PPP2R2B: variants seen among roughly 807,000 people sequenced by gnomAD.
The protein encoded by PPP2R2B is serine/threonine-protein phosphatase 2A 55 kDa regulatory subunit B beta isoform.
In PPP2R2B, 5 loss-of-function variants were observed where a neutral mutation model predicts 46.0. That is an observed-to-expected ratio of 0.11 (90% CI 0.06 to 0.23). PPP2R2B has a LOEUF of 0.23. PPP2R2B is among the 10% of genes least tolerant of loss of function. PPP2R2B has a pLI of 1.00. For synonymous variants in PPP2R2B, 215 were observed against 206.7 expected, an observed-to-expected ratio of 1.04 and a Z score of -0.34; for missense variants, 367 against 575.0, an observed-to-expected ratio of 0.64 and a Z score of 3.70.
At chr5:147,030,163 C>A (rs1755713681) in intron 1 of PPP2R2B, among the ~76,000 whole-genome samples, 1 of 152,254 alleles carries the variant, frequency 6.6e-6, no homozygotes, top group South Asian at 2.1e-4. Context: ...GTCTTCCTTA[C>A]TTTCTGCTAA....
intron 1 of PPP2R2B, among the ~76,000 whole-genome samples, chr5:146,898,243 T>C (rs377005443): frequency 5.9e-5 from 9 of 152,158 alleles, no homozygotes; most frequent in Admixed American, 1.3e-4. Context: ...TGCAGCATTA[T>C]TTCTGAGGGC....
rs1779286677 is a variant in PPP2R2B at position 146,698,078 on chromosome 5, C to T, written c.235G>A (p.Glu79Lys). The T allele has an allele frequency of 4.3e-6, 7 of 1,612,764 alleles. No individual in the cohort carries two copies. Among genetic ancestry groups the T allele is most frequent in the East Asian group, 2.2e-5 (1 of 44,768 alleles). Reference protein sequence around the residue: ...VYSTFQSHEPEFDYLKSLEIE... With the variant: ...VYSTFQSHEPKFDYLKSLEIE... ...TCTAAACTCTTCAGGTAATCGAACT[C>T]GGGTTCATGGCTCTGGAATGTGCTG... The change falls in exon 4 of 10, where the codon GAG becomes AAG. Residue 79 changes from glutamate (E) to lysine (K), a missense_variant. Physicochemically the swap from Glu to Lys is moderately conservative, Grantham distance 56. Transcript: ENST00000394411.
Position 146,585,886 on chromosome 5 carries a change from T to C in PPP2R2B, c.*4061A>G, listed in dbSNP as rs1770134886. On this transcript the variant is annotated 3_prime_UTR_variant, in exon 10 of 10. Coordinates refer to ENST00000394411, the MANE Select transcript of PPP2R2B (RefSeq NM_181675.4). ...CATTTTACAGGTGATGACACTGACA[T>C]AGGGACTGAGTGGGTAGCTTAAGTT... The C allele has an allele frequency of 6.6e-6, 1 of 152,204 alleles. No individual in the cohort carries two copies. The highest frequency in any genetic ancestry group is 1.5e-5 in the Non-Finnish European group (1 of 68,040). The allele number at this position is 152,204 out of a possible 1,614,324, so 9.4% of individuals were successfully genotyped here.
At position 147,050,173 on chromosome 5, in the gene PPP2R2B, G is replaced by A. The variant is rs554646399; in HGVS notation, c.79+5492C>T. On this transcript the variant is annotated intron_variant, in intron 1 of 8. Transcript: ENST00000336640. ...ATTGTACATAAAATTCAAAAAATAT[G>A]TTTCAGACATAAAGCAATATCAAAC... Among the ~76,000 whole-genome samples the A allele has an allele frequency of 4.6e-5, 7 of 152,292 alleles. No individual in the cohort carries two copies. The South Asian group carries it at 1.0e-3, about 23-fold the overall frequency.
upstream of PPP2R2B, among the ~76,000 whole-genome samples, chr5:147,058,014 G>A (rs1270268070): frequency 1.3e-5 from 2 of 152,114 alleles, no homozygotes; most frequent in Non-Finnish European, 2.9e-5. Flanking sequence ...CTTAATTACA[G>A]CATATTACTT....
chr5:146,938,751 CTTTTTTTTTTT>C (rs33961672), intron 1 of PPP2R2B, among the ~76,000 whole-genome samples: 3 of 65,926 alleles, frequency 4.6e-5, no homozygotes, highest in Non-Finnish European at 5.3e-5. Context: ...AGATAATAGC[CTTTTTTTTTTT>C]TTTTTTTTTT....
chr5:146,706,883 AC>A, intron 2 of PPP2R2B: 1 of 1,261,946 alleles, frequency 7.9e-7, no homozygotes, highest in Non-Finnish European at 1.2e-6. Context: ...AATGGACAGC[AC>A]CACAGACGTG....
chr5:146,625,955 G>C (rs572200725), intron 7 of PPP2R2B, among the ~76,000 whole-genome samples: 1 of 152,248 alleles, frequency 6.6e-6, no homozygotes, highest in East Asian at 1.9e-4. Flanking sequence ...TGGAAGAAGG[G>C]GCCATTAGCC....
At chr5:146,706,431 T>A in intron 2 of PPP2R2B, 1 of 997,434 alleles carries the variant, frequency 1.0e-6, no homozygotes, top group South Asian at 1.3e-5. Flanking sequence ...ATACTCATGT[T>A]CTCCATCTTC....
At chr5:146,797,813 C>T (rs115960436) in intron 2 of PPP2R2B, among the ~76,000 whole-genome samples, 167 of 152,260 alleles carry the variant, frequency 1.1e-3, no homozygotes, top group Non-Finnish European at 1.8e-3. Context: ...AGGACTCCAA[C>T]GCACAACTGC....
At chr5:146,673,308 AAG>A (rs1229406825) in intron 5 of PPP2R2B, among the ~76,000 whole-genome samples, 1 of 19,242 alleles carries the variant, frequency 5.2e-5, no homozygotes. Context: ...TCTGTAAAGT[AAG>A]TACAAATGTC....
At chr5:146,778,103 C>A (rs1056928814) in intron 2 of PPP2R2B, among the ~76,000 whole-genome samples, 1 of 152,156 alleles carries the variant, frequency 6.6e-6, no homozygotes, top group South Asian at 2.1e-4. Flanking sequence ...AAATAATTTT[C>A]CTTTTTCCAG....
intron 5 of PPP2R2B, among the ~76,000 whole-genome samples, chr5:146,682,152 A>G (rs1014243487): frequency 3.9e-5 from 6 of 152,194 alleles, no homozygotes; most frequent in Admixed American, 3.9e-4. Flanking sequence ...GTGCAGCATA[A>G]CAAAGGTACC....
rs55898541 is a variant in PPP2R2B at position 146,907,209 on chromosome 5, A to ATT, written c.79+148454_79+148455dup. On this transcript the variant is annotated intron_variant, in intron 1 of 8. Transcript: ENST00000336640. ...TATAAGCATGAATTGGCTAAATTACATTTTTTTTTCCATCAGCAGATGTAG... is the reference window on the plus strand; with the variant it reads ...TATAAGCATGAATTGGCTAAATTACATTTTTTTTTTTCCATCAGCAGATGTAG... 9.1e-4 allele frequency among the ~76,000 whole-genome samples: 138 copies of ATT among 151,466 alleles called. 1 individual carries two copies. Among genetic ancestry groups the ATT allele is most frequent in the Admixed American group, 2.2e-3 (33 of 15,198 alleles).
intron 1 of PPP2R2B, among the ~76,000 whole-genome samples, chr5:147,003,059 C>T (rs957049828): frequency 2.6e-5 from 4 of 152,054 alleles, no homozygotes; most frequent in African/African-American, 7.2e-5. Flanking sequence ...AATTACTATA[C>T]GATCCTGCAG....
chr5:146,788,232 A>C (rs1034219598), intron 2 of PPP2R2B, among the ~76,000 whole-genome samples: 1 of 152,058 alleles, frequency 6.6e-6, no homozygotes, highest in Admixed American at 6.6e-5. Context: ...ATTAGACTCC[A>C]AAAAATATAG....
chr5:146,886,671 A>C (rs1181737369), intron 1 of PPP2R2B, among the ~76,000 whole-genome samples: 1 of 152,138 alleles, frequency 6.6e-6, no homozygotes, highest in Non-Finnish European at 1.5e-5. Context: ...AACTGCTACA[A>C]TTTTTTGGTT....
upstream of PPP2R2B, among the ~76,000 whole-genome samples, chr5:147,056,685 GAGAGAC>G (rs1472254395): frequency 6.6e-6 from 1 of 152,172 alleles, no homozygotes; most frequent in Admixed American, 6.6e-5. Flanking sequence ...GAGAGAAAAA[GAGAGAC>G]AGAGGCAGAG....
chr5:146,684,687 C>T (rs1430474360), intron 5 of PPP2R2B, among the ~76,000 whole-genome samples: 1 of 152,186 alleles, frequency 6.6e-6, no homozygotes, highest in African/African-American at 2.4e-5. Context: ...TTCCTAATCC[C>T]GTCTCCTCCC....
Sources: allele counts gnomAD v4.1 joint callset (sites outside exome capture counted in the v4.1 genomes callset), GRCh38; gene constraint gnomAD v4.1.1; transcripts MANE v1.5; gene names NCBI Gene and HGNC (gene_info 2026-07-23, HGNC 2026-07-21).